Variants in DPH6 observed in about 807,000 individuals in gnomAD.
DPH6 encodes diphthamine biosynthesis 6, also known as diphthine--ammonia ligase.
A neutral mutation model predicts 38.2 loss-of-function variants in DPH6; 33 were observed. The observed-to-expected ratio is 0.86, with a 90% CI of 0.65 to 1.15. DPH6 has a LOEUF of 1.15. Among genes scored for constraint, DPH6 ranks in the 50% most tolerant of loss-of-function variants. The pLI, the probability that DPH6 is intolerant of heterozygous loss-of-function variation, is 0.00. For synonymous variants in DPH6, 108 were observed against 103.0 expected, an observed-to-expected ratio of 1.05 and a Z score of -0.30; for missense variants, 325 against 320.0, an observed-to-expected ratio of 1.02 and a Z score of -0.12.
At chr15:35,251,912 G>GT (rs758368131) in intron 3 of DPH6, among the ~76,000 whole-genome samples, 1 of 152,212 alleles carries the variant, frequency 6.6e-6, no homozygotes, top group East Asian at 1.9e-4. Flanking sequence ...GCTGTGGCAG[G>GT]TTTATCACCT....
chr15:35,410,252 T>C lies in DPH6; in HGVS notation c.567+583A>G, dbSNP rs1012079922. Among the ~76,000 whole-genome samples the C allele has an allele frequency of 4.0e-5, 6 of 151,844 alleles. No homozygotes were observed. In the East Asian group the frequency reaches 9.7e-4, roughly 24 times the overall value. ...ATTAAACATTCTAGTTAATGATGCATTGCCAGACTAAACATAACATTTGTT... is the reference window on the plus strand; with the variant it reads ...ATTAAACATTCTAGTTAATGATGCACTGCCAGACTAAACATAACATTTGTT... On this transcript the variant is annotated intron_variant, in intron 6 of 8. Coordinates refer to ENST00000256538, the MANE Select transcript of DPH6 (RefSeq NM_080650.4).
chr15:35,496,567 A>AAAAAAAAAAAATATATATATATAT, intron 3 of DPH6, among the ~76,000 whole-genome samples: 30 of 30,990 alleles, frequency 9.7e-4, no homozygotes, highest in African/African-American at 4.0e-3. Flanking sequence ...AAAAAAAAAA[A>AAAAAAAAAAAATATATATATATAT]ATATATATAT....
At chr15:35,177,580 C>CAAA in the DPH6 span, among the ~76,000 whole-genome samples, 184 of 60,234 alleles carry the variant, frequency 3.1e-3, 3 homozygotes, top group Middle Eastern at 0.035. Context: ...ATCCCATCTC[C>CAAA]AAAAAAAAAA....
At chr15:35,242,289 A>G (rs1370399503) in intron 3 of DPH6, among the ~76,000 whole-genome samples, 1 of 142,894 alleles carries the variant, frequency 7.0e-6, no homozygotes, top group African/African-American at 2.5e-5. Flanking sequence ...TTACAAAACA[A>G]CAACTCCTTT....
intron 3 of DPH6, among the ~76,000 whole-genome samples, chr15:35,506,958 A>G (rs1014142897): frequency 5.0e-4 from 1 of 2,000 alleles, no homozygotes; most frequent in African/African-American, 3.4e-3. Flanking sequence ...GTGTCAGAGA[A>G]AAAAAAAGGT....
At chr15:35,448,446 G>C (rs1477646284) in intron 5 of DPH6, among the ~76,000 whole-genome samples, 4 of 152,060 alleles carry the variant, frequency 2.6e-5, no homozygotes, top group African/African-American at 9.7e-5. Context: ...ATGTTGTCTT[G>C]AATTTGATTG....
intron 6 of DPH6, among the ~76,000 whole-genome samples, chr15:35,385,264 C>T (rs565813568): frequency 5.9e-5 from 9 of 152,168 alleles, no homozygotes; most frequent in Non-Finnish European, 1.3e-4. Flanking sequence ...CATCCCATTA[C>T]CAGATATATA....
intron 3 of DPH6, among the ~76,000 whole-genome samples, chr15:35,517,382 T>G (rs117528276): frequency 1.5e-3 from 226 of 152,246 alleles, no homozygotes; most frequent in Middle Eastern, 3.4e-3. Flanking sequence ...CTATTTTAAT[T>G]AAGTGGATTC....
chr15:35,285,068 T>G (rs1487398663), intron 3 of DPH6, among the ~76,000 whole-genome samples: 3 of 152,026 alleles, frequency 2.0e-5, no homozygotes, highest in Admixed American at 1.3e-4. Flanking sequence ...CTTTCATCCC[T>G]CAAACTGTTA....
intron 8 of DPH6, among the ~76,000 whole-genome samples, chr15:35,372,760 C>T (rs886682145): frequency 2.0e-5 from 3 of 151,886 alleles, no homozygotes. Flanking sequence ...TCTTGTTAAT[C>T]CTCTTACTCC....
rs575588196 is a variant in DPH6, at chr15:35,444,530, A to G, written c.505+6155T>C. Reference sequence around the variant, plus strand: ...TTTAAAAACAACAACTTCCATAGCAATTGGAATATTCAAGAGTCTTTCTTC... The same window carrying G: ...TTTAAAAACAACAACTTCCATAGCAGTTGGAATATTCAAGAGTCTTTCTTC... On this transcript the variant is annotated intron_variant, in intron 5 of 8. Coordinates refer to ENST00000256538, the MANE Select transcript of DPH6 (RefSeq NM_080650.4). Among the ~76,000 whole-genome samples the G allele has an allele frequency of 3.4e-4, 52 of 152,286 alleles. No homozygotes were observed. In the South Asian group the frequency reaches 0.011, roughly 32 times the overall value.
chr15:35,450,732 ATC>A lies in DPH6; in HGVS notation c.456_457del (p.Glu152AspfsTer5). ...CATTGCTTGAATGTTAGATGATATC[ATC>A]TCTCTGAGCAAATCTTCCTGGTTTC... On this transcript the variant is annotated frameshift_variant, in exon 5 of 9. Transcript: ENST00000256538. LOFTEE classifies it high-confidence loss of function. 6.2e-7 allele frequency: 1 copy of A among 1,613,418 alleles called. No homozygotes were observed. The highest frequency in any genetic ancestry group is 8.5e-7 in the Non-Finnish European group (1 of 1,179,680).
chr15:35,350,658 T>G (rs1355831229), intron 3 of DPH6, among the ~76,000 whole-genome samples: 1 of 152,194 alleles, frequency 6.6e-6, no homozygotes, highest in East Asian at 1.9e-4. Flanking sequence ...ACCTAAGATA[T>G]TTTCGCATTT....
the DPH6 span, among the ~76,000 whole-genome samples, chr15:35,210,536 C>G: frequency 2.6e-5 from 4 of 152,164 alleles, no homozygotes; most frequent in South Asian, 8.3e-4. Context: ...CAAGGATGAA[C>G]AGTCATACAC....
chr15:35,372,290 G>T, intron 8 of DPH6, 87 bp from the exon 9 acceptor site: 1 of 1,104,350 alleles, frequency 9.1e-7, no homozygotes, highest in Non-Finnish European at 1.2e-6. Flanking sequence ...ATGTAATACT[G>T]TTATCTGAAA....
At chr15:35,424,694 T>C (rs1013650220) in intron 5 of DPH6, among the ~76,000 whole-genome samples, 4 of 151,618 alleles carry the variant, frequency 2.6e-5, no homozygotes, top group Non-Finnish European at 4.4e-5. Context: ...GATGGTTATA[T>C]AAGCACTGGC....
downstream of DPH6, among the ~76,000 whole-genome samples, chr15:35,327,585 T>C (rs973671152): frequency 2.6e-5 from 4 of 152,106 alleles, no homozygotes; most frequent in African/African-American, 7.2e-5. Flanking sequence ...GACCTCGTGA[T>C]CTGCCCACCT....
chr15:35,447,134 G>A (rs947155561), intron 5 of DPH6, among the ~76,000 whole-genome samples: 3 of 152,078 alleles, frequency 2.0e-5, no homozygotes, highest in African/African-American at 7.2e-5. Context: ...CTCCCAAAGT[G>A]CTGGGATTAC....
At chr15:35,171,491 T>C in the DPH6 span, among the ~76,000 whole-genome samples, 3 of 152,208 alleles carry the variant, frequency 2.0e-5, no homozygotes, top group African/African-American at 7.2e-5. Flanking sequence ...TTCAGTTAAT[T>C]AGCTCTTAAT....
Sources: allele counts gnomAD v4.1 joint callset (sites outside exome capture counted in the v4.1 genomes callset), GRCh38; gene constraint gnomAD v4.1.1; transcripts MANE v1.5; gene names NCBI Gene and HGNC (gene_info 2026-07-23, HGNC 2026-07-21).